KAZN: variants seen among roughly 807,000 people sequenced by gnomAD.
KAZN encodes the protein kazrin, periplakin interacting protein, also known as kazrin.
A neutral mutation model predicts 87.4 loss-of-function variants in KAZN; 40 were observed. The ratio of observed to expected loss-of-function variants is 0.46; its 90% CI spans 0.36 to 0.60. The LOEUF is 0.60. KAZN is among the 20% of genes least tolerant of loss of function. The probability of loss-of-function intolerance (pLI) is 0.00; values close to 1 mark genes in which losing one functional copy is unlikely to be tolerated. For missense variants in KAZN, 898 were observed against 1,073.9 expected (o/e 0.84, Z 2.29); for synonymous variants, 466 against 458.3 (o/e 1.02, Z -0.22).
intron 2 of KAZN, among the ~76,000 whole-genome samples, chr1:14,279,236 C>A (rs980136560): frequency 2.0e-5 from 3 of 152,140 alleles, no homozygotes; most frequent in Admixed American, 6.5e-5. Flanking sequence ...GTTAAGCATG[C>A]CCAATCCTTT....
chr1:14,887,506 T>C (rs1475661826), intron 1 of KAZN, among the ~76,000 whole-genome samples: 1 of 152,224 alleles, frequency 6.6e-6, no homozygotes, highest in East Asian at 1.9e-4. Context: ...TTGACATTTC[T>C]AGTTTGTCTG....
chr1:14,267,292 C>T (rs1651559270), intron 2 of KAZN, among the ~76,000 whole-genome samples: 1 of 150,770 alleles, frequency 6.6e-6, no homozygotes, highest in Non-Finnish European at 1.5e-5. Flanking sequence ...TTTTGGCTTC[C>T]CTGGGCCACA....
intron 2 of KAZN, among the ~76,000 whole-genome samples, chr1:14,422,314 A>G (rs1043127644): frequency 2.6e-5 from 4 of 152,228 alleles, no homozygotes; most frequent in African/African-American, 9.6e-5. Flanking sequence ...GCTCAGCAGC[A>G]TGACGACATA....
At chr1:15,048,372 C>T (rs1212753715) in intron 4 of KAZN, among the ~76,000 whole-genome samples, 1 of 152,224 alleles carries the variant, frequency 6.6e-6, no homozygotes, top group Non-Finnish European at 1.5e-5. Context: ...ACCACCCACA[C>T]AGCAACTTCT....
chr1:14,787,773 C>T (rs755969504), intron 1 of KAZN, among the ~76,000 whole-genome samples: 1 of 152,064 alleles, frequency 6.6e-6, no homozygotes, highest in African/African-American at 2.4e-5. Flanking sequence ...GGACCTGCAT[C>T]GCTCTGGAAG....
intron 2 of KAZN, among the ~76,000 whole-genome samples, chr1:14,374,682 A>T (rs1354154495): frequency 6.6e-6 from 1 of 152,190 alleles, no homozygotes; most frequent in Non-Finnish European, 1.5e-5. Flanking sequence ...CTTTCTGATT[A>T]AATGCTGGAG....
intron 1 of KAZN, among the ~76,000 whole-genome samples, chr1:13,939,467 TG>T (rs1245957656): frequency 1.3e-5 from 2 of 152,250 alleles, no homozygotes; most frequent in East Asian, 3.8e-4. Context: ...CTTGTCAGCC[TG>T]GACCTAATTG....
chr1:14,872,934 GGATA>G (rs1202461779), intron 1 of KAZN, among the ~76,000 whole-genome samples: 16 of 91,122 alleles, frequency 1.8e-4, no homozygotes, highest in Admixed American at 4.0e-4. Flanking sequence ...ATGGATGGAT[GGATA>G]GATGGATGGA....
chr1:14,927,649 G>A (rs541296616), intron 1 of KAZN, among the ~76,000 whole-genome samples: 3 of 152,070 alleles, frequency 2.0e-5, no homozygotes, highest in East Asian at 1.9e-4. Context: ...CTTTGTAGAC[G>A]AGGCACTCTA....
At chr1:14,224,957 A>T (rs758457831) in intron 2 of KAZN, among the ~76,000 whole-genome samples, 2 of 152,238 alleles carry the variant, frequency 1.3e-5, no homozygotes, top group African/African-American at 2.4e-5. Flanking sequence ...TCTAAAACAG[A>T]AAGTAAGCTG....
At chr1:14,243,317 G>T (rs1348542783) in intron 2 of KAZN, among the ~76,000 whole-genome samples, 1 of 152,096 alleles carries the variant, frequency 6.6e-6, no homozygotes, top group African/African-American at 2.4e-5. Flanking sequence ...TTTCTAGTCG[G>T]GCCCTACCCT....
At chr1:14,568,554 T>A (rs887934585) in intron 2 of KAZN, among the ~76,000 whole-genome samples, 1 of 152,194 alleles carries the variant, frequency 6.6e-6, no homozygotes, top group African/African-American at 2.4e-5. Flanking sequence ...CTCGTGAGAC[T>A]TATTCACTAT....
At chr1:14,232,546 C>A (rs1471908430) in intron 2 of KAZN, among the ~76,000 whole-genome samples, 1 of 152,142 alleles carries the variant, frequency 6.6e-6, no homozygotes, top group Non-Finnish European at 1.5e-5. Context: ...TATATTCTCA[C>A]TTTGCCTTCT....
chr1:14,128,348 C>T (rs985521031), intron 1 of KAZN, among the ~76,000 whole-genome samples: 5 of 53,840 alleles, frequency 9.3e-5, no homozygotes, highest in African/African-American at 5.4e-4. Context: ...GGGAGTCATG[C>T]TGTGTTAGTT....
chr1:14,922,892 C>A (rs1280755456), intron 1 of KAZN, among the ~76,000 whole-genome samples: 5 of 151,498 alleles, frequency 3.3e-5, no homozygotes, highest in East Asian at 3.9e-4. Context: ...GGTGAGGATG[C>A]GGGGGCGGGG....
chr1:15,050,571 A>C lies in KAZN; in HGVS notation c.727-5520A>C, dbSNP rs569980265. ...GTTTATTTTTAATGGCCACGCTCTGAGTCTATGTCCCTTGTGCCTGTTCTC... is the reference window on the plus strand; with the variant it reads ...GTTTATTTTTAATGGCCACGCTCTGCGTCTATGTCCCTTGTGCCTGTTCTC... On this transcript the variant is annotated intron_variant, in intron 4 of 14. Transcript: ENST00000376030. 1.1e-3 allele frequency among the ~76,000 whole-genome samples: 161 copies of C among 152,286 alleles called. 1 individual carries two copies. The highest frequency in any genetic ancestry group is 3.7e-3 in the African/African-American group (153 of 41,558).
intron 1 of KAZN, among the ~76,000 whole-genome samples, chr1:14,676,598 A>G (rs1640234601): frequency 6.6e-6 from 1 of 152,240 alleles, no homozygotes. Flanking sequence ...TATCCATACA[A>G]CGGAGTATTA....
intron 2 of KAZN, among the ~76,000 whole-genome samples, chr1:15,032,691 G>A (rs924060594): frequency 8.5e-5 from 13 of 152,106 alleles, no homozygotes; most frequent in South Asian, 6.2e-4. Flanking sequence ...GCTCATGCCT[G>A]TAATCCCAGC....
intron 1 of KAZN, among the ~76,000 whole-genome samples, chr1:14,834,000 C>CAT (rs1361132809): frequency 6.7e-6 from 1 of 150,176 alleles, no homozygotes; most frequent in African/African-American, 2.5e-5. Flanking sequence ...CACACACACA[C>CAT]ACACACACAT....
Sources: allele counts gnomAD v4.1 joint callset (sites outside exome capture counted in the v4.1 genomes callset), GRCh38; gene constraint gnomAD v4.1.1; transcripts MANE v1.5; gene names NCBI Gene and HGNC (gene_info 2026-07-23, HGNC 2026-07-21).